The following ACOXL variants were observed in gnomAD, a reference collection of about 807,000 sequenced individuals.
ACOXL encodes acyl-coenzyme A oxidase-like protein.
In ACOXL, 70 loss-of-function variants were observed where a neutral mutation model predicts 71.9. The observed-to-expected ratio is 0.97, with a 90% CI of 0.80 to 1.19. ACOXL has a LOEUF of 1.19. ACOXL is among the 50% of genes most tolerant of loss of function. The pLI is 0.00. For missense variants in ACOXL, 703 were observed against 736.3 expected, an observed-to-expected ratio of 0.95 and a Z score of 0.52; for synonymous variants, 253 against 281.6, an observed-to-expected ratio of 0.90 and a Z score of 1.02.
intron 12 of ACOXL, among the ~76,000 whole-genome samples, chr2:110,942,070 G>A (rs924805555): frequency 1.3e-5 from 2 of 152,162 alleles, no homozygotes; most frequent in South Asian, 2.1e-4. Context: ...ACTATTGTGA[G>A]GTCCTTAGAC....
intron 13 of ACOXL, among the ~76,000 whole-genome samples, chr2:110,989,254 T>G (rs1306941141): frequency 6.6e-6 from 1 of 152,196 alleles, no homozygotes; most frequent in African/African-American, 2.4e-5. Context: ...GACATTCTTT[T>G]CTAGTAACCT....
chr2:110,774,123 A>G (rs550660687), intron 2 of ACOXL, among the ~76,000 whole-genome samples: 11 of 152,316 alleles, frequency 7.2e-5, no homozygotes, highest in African/African-American at 2.4e-4. Flanking sequence ...ATTTCTCGCT[A>G]CCTTTTGCTA....
At chr2:110,920,157 T>C (rs1167289310) in intron 11 of ACOXL, among the ~76,000 whole-genome samples, 2 of 152,182 alleles carry the variant, frequency 1.3e-5, no homozygotes, top group East Asian at 3.8e-4. Context: ...TTTTCCAAAG[T>C]GGTTGTATCA....
At chr2:111,063,472 A>G (rs1250945866) in intron 16 of ACOXL, among the ~76,000 whole-genome samples, 1 of 152,224 alleles carries the variant, frequency 6.6e-6, no homozygotes, top group Non-Finnish European at 1.5e-5. Flanking sequence ...TTCAATTTTT[A>G]CAAATAAACC....
At chr2:110,843,945 G>GCAAGGTC (rs1217883679) in intron 10 of ACOXL, among the ~76,000 whole-genome samples, 4 of 152,242 alleles carry the variant, frequency 2.6e-5, no homozygotes, top group Non-Finnish European at 5.9e-5. Context: ...AGGCTGCCTT[G>GCAAGGTC]CAAGGTCCAA....
At chr2:111,007,227 T>C (rs188373129) in intron 14 of ACOXL, among the ~76,000 whole-genome samples, 3 of 152,310 alleles carry the variant, frequency 2.0e-5, no homozygotes, top group Admixed American at 2.0e-4. Flanking sequence ...AGGGCAAAGA[T>C]GCGACTGATA....
chr2:111,117,260 C>A (rs1446816256), intron 17 of ACOXL, among the ~76,000 whole-genome samples: 2 of 152,076 alleles, frequency 1.3e-5, no homozygotes, highest in Non-Finnish European at 2.9e-5. Context: ...GAGAGAGGAG[C>A]GGAGGGAAGG....
At chr2:111,089,239 G>A (rs909820875) in intron 16 of ACOXL, among the ~76,000 whole-genome samples, 3 of 152,202 alleles carry the variant, frequency 2.0e-5, no homozygotes, top group Admixed American at 6.5e-5. Flanking sequence ...GGTGGAGGTT[G>A]TAGTGAGCCA....
At chr2:110,947,327 G>A (rs773969423) in intron 12 of ACOXL, among the ~76,000 whole-genome samples, 33 of 152,170 alleles carry the variant, frequency 2.2e-4, no homozygotes, top group Non-Finnish European at 4.0e-4. Context: ...GAGAATAATA[G>A]GGGAAACAGC....
At chr2:111,043,786 C>T (rs1350084517) in intron 15 of ACOXL, among the ~76,000 whole-genome samples, 2 of 152,192 alleles carry the variant, frequency 1.3e-5, no homozygotes, top group African/African-American at 4.8e-5. Flanking sequence ...GAGGAGCTGT[C>T]CATGGAGGGG....
chr2:110,957,886 G>A (rs530307161), intron 12 of ACOXL, among the ~76,000 whole-genome samples: 2 of 151,654 alleles, frequency 1.3e-5, no homozygotes, highest in South Asian at 4.2e-4. Flanking sequence ...GTGAAACCCC[G>A]TCTCTACTAA....
chr2:111,099,848 A>G (rs2069023874), intron 17 of ACOXL: 1 of 152,208 alleles, frequency 6.6e-6, no homozygotes, highest in South Asian at 2.1e-4. Context: ...ATGACCCAAC[A>G]GTTAACAATT....
At chr2:110,919,195 G>T (rs866465859) in intron 11 of ACOXL, among the ~76,000 whole-genome samples, 3 of 152,142 alleles carry the variant, frequency 2.0e-5, no homozygotes, top group Non-Finnish European at 2.9e-5. Context: ...AGGAAATGTG[G>T]CACATATACA....
At chr2:110,921,398 C>G (rs867978435) in intron 11 of ACOXL, among the ~76,000 whole-genome samples, 179 of 131,128 alleles carry the variant, frequency 1.4e-3, no homozygotes, top group Middle Eastern at 7.4e-3. Context: ...ACCCCCCCCC[C>G]CCTTTTTTTT....
At position 111,044,151 on chromosome 2, in the gene ACOXL, G is replaced by A. The variant is rs1574584200; in HGVS notation, c.1370-5067G>A. Among the ~76,000 whole-genome samples the A allele has an allele frequency of 2.0e-5, 3 of 152,340 alleles. No individual in the cohort carries two copies. In the East Asian group the frequency reaches 5.8e-4, roughly 29 times the overall value. On this transcript the variant is annotated intron_variant, in intron 15 of 17. Coordinates refer to ENST00000439055, the MANE Select transcript of ACOXL (RefSeq NM_001142807.4). ...AGTTATGTGAACTCTGCAGCATGGT[G>A]AGAAGCAGCCCTTTGGCCCACCTCT...
At chr2:111,100,451 AAGAG>A (rs1277120888) in intron 17 of ACOXL, 2 of 152,668 alleles carry the variant, frequency 1.3e-5, no homozygotes, top group Non-Finnish European at 2.9e-5. Context: ...CTCGTTCACT[AAGAG>A]AGAAAATAAA....
rs374196954 is a variant in ACOXL at position 111,099,250 on chromosome 2, G to A, written c.1542+6284G>A. On this transcript the variant is annotated intron_variant, in intron 17 of 17. Transcript: ENST00000439055. ...CCACAAGAGAAGGAGTTGGGTTGAG[G>A]TTTATTTTTAAAATTCCAATCCCCC... is the stretch of plus-strand genomic sequence containing the variant. The A allele has an allele frequency of 1.8e-4, 27 of 152,352 alleles. No homozygotes were observed. In the East Asian group the frequency reaches 3.3e-3, roughly 18 times the overall value. The allele number at this position is 152,352 out of a possible 1,614,324, so 9.4% of individuals were successfully genotyped here.
At chr2:110,980,953 G>A (rs916040195) in intron 12 of ACOXL, among the ~76,000 whole-genome samples, 2 of 152,166 alleles carry the variant, frequency 1.3e-5, no homozygotes, top group African/African-American at 4.8e-5. Context: ...CTGACATGCT[G>A]TCTGCTCTTG....
chr2:111,052,257 A>G (rs1487802785), intron 16 of ACOXL, among the ~76,000 whole-genome samples: 1 of 152,224 alleles, frequency 6.6e-6, no homozygotes, highest in Non-Finnish European at 1.5e-5. Flanking sequence ...GGGCCCACTC[A>G]GATGAGCAAA....
Sources: gnomAD v4.1 joint callset for allele counts (sites outside exome capture counted in the v4.1 genomes callset) on GRCh38, gnomAD v4.1.1 for gene constraint, MANE v1.5 for transcripts, NCBI Gene and HGNC (gene_info 2026-07-23, HGNC 2026-07-21) for gene names.